Variants in TNFSF13B observed in about 807,000 individuals in gnomAD.
TNFSF13B encodes the protein TNF superfamily member 13b.
TNFSF13B carries 8 observed loss-of-function variants against 29.1 expected under a neutral mutation model. The ratio of observed to expected loss-of-function variants is 0.27; its 90% CI spans 0.16 to 0.50. TNFSF13B has a LOEUF of 0.50. Ranked by LOEUF, TNFSF13B falls within the 20% of genes least tolerant of loss-of-function variation. The pLI is 0.98. For synonymous variants in TNFSF13B, 125 were observed against 130.8 expected (o/e 0.96, Z 0.30); for missense variants, 248 against 334.9 (o/e 0.74, Z 2.03).
At chr13:108,281,251 GA>G in intron 2 of TNFSF13B, among the ~76,000 whole-genome samples, 1 of 151,872 alleles carries the variant, frequency 6.6e-6, no homozygotes, top group Non-Finnish European at 1.5e-5. Flanking sequence ...CAAAAAAAAA[GA>G]AAAAGAAAGA....
In TNFSF13B at chr13:108,307,336, G is replaced by C. The variant is rs1881809130; in HGVS notation, c.*398G>C. 1.3e-5 allele frequency: 2 copies of C among 154,134 alleles called. No individual in the cohort carries two copies. The highest frequency in any genetic ancestry group is 1.3e-4 in the Admixed American group (2 of 15,242). 9.5% of individuals were successfully genotyped at this position (154,134 alleles called of 1,614,324 possible). A position where few individuals can be genotyped will look rare whatever the true frequency, so the allele number is the denominator to read the frequency against. On this transcript the variant is annotated 3_prime_UTR_variant, in exon 6 of 6. Transcript: ENST00000375887. Reference sequence around the variant, plus strand: ...ATGGAGCAAGTGCCCACATCTCTAGGACATTAAGACATTTATGAGAAATCT... The same window carrying C: ...ATGGAGCAAGTGCCCACATCTCTAGCACATTAAGACATTTATGAGAAATCT...
rs1179740513 is a variant in TNFSF13B, at chr13:108,307,956, G to A, written c.*1018G>A. 6.6e-6 allele frequency: 1 copy of A among 152,000 alleles called. No individual in the cohort carries two copies. The highest frequency in any genetic ancestry group is 1.5e-5 in the Non-Finnish European group (1 of 67,938). The allele number at this position is 152,000 out of a possible 1,614,324, so 9.4% of individuals were successfully genotyped here. A position where few individuals can be genotyped will look rare whatever the true frequency, so the allele number is the denominator to read the frequency against. On this transcript the variant is annotated 3_prime_UTR_variant, in exon 6 of 6. Transcript: ENST00000375887. ...CATCCTGAAGTATGTCACATAGCAT[G>A]TGCTCCTTATAAATATGTTGATATC...
intron 3 of TNFSF13B, among the ~76,000 whole-genome samples, chr13:108,299,172 G>T (rs1881542265): frequency 1.4e-5 from 2 of 145,708 alleles, no homozygotes; most frequent in South Asian, 4.3e-4. Flanking sequence ...TAATCTCAAT[G>T]CCATTATGTT....
chr13:108,284,286 G>A (rs542200547), intron 2 of TNFSF13B, among the ~76,000 whole-genome samples: 7 of 152,160 alleles, frequency 4.6e-5, no homozygotes, highest in South Asian at 2.1e-4. Context: ...CTGAGATCGC[G>A]CCACTGCACT....
At chr13:108,284,371 C>T (rs61972010) in intron 2 of TNFSF13B, among the ~76,000 whole-genome samples, 2,416 of 97,254 alleles carry the variant, frequency 0.025, 50 homozygotes, top group African/African-American at 0.059. Context: ...AATAAACAAA[C>T]AAACAAACAA....
chr13:108,279,744 GA>G (rs1458027482), intron 2 of TNFSF13B, among the ~76,000 whole-genome samples: 1 of 152,192 alleles, frequency 6.6e-6, no homozygotes, highest in Non-Finnish European at 1.5e-5. Flanking sequence ...TAGGCTAATG[GA>G]ATTGTCAAGA....
At chr13:108,278,160 T>C (rs1385235762) in intron 2 of TNFSF13B, among the ~76,000 whole-genome samples, 1 of 152,200 alleles carries the variant, frequency 6.6e-6, no homozygotes, top group Non-Finnish European at 1.5e-5. Context: ...ATAATGGCTG[T>C]ACATGCTTAA....
intron 2 of TNFSF13B, among the ~76,000 whole-genome samples, chr13:108,271,444 T>TCACACACACACA (rs59438208): frequency 7.0e-6 from 1 of 142,904 alleles, no homozygotes; most frequent in Non-Finnish European, 1.5e-5. Context: ...GACCCTTCTA[T>TCACACACACACA]CACACACACA....
At chr13:108,286,301 A>G (rs746182838) in intron 2 of TNFSF13B, among the ~76,000 whole-genome samples, 10 of 151,846 alleles carry the variant, frequency 6.6e-5, no homozygotes, top group Non-Finnish European at 1.5e-4. Context: ...AGGAAGTGAT[A>G]TATACTGTCT....
At position 108,298,050 on chromosome 13, in the gene TNFSF13B, G is replaced by A. The variant is rs1438185377; in HGVS notation, c.482-5203G>A. ...TTTTAACTTTGTTCCAGAGTGCCAT[G>A]TTGTTGGAATTGCACAGTATGTAAC... On this transcript the variant is annotated intron_variant, in intron 3 of 5. Coordinates refer to ENST00000375887, the MANE Select transcript of TNFSF13B (RefSeq NM_006573.5). Among the ~76,000 whole-genome samples the A allele has an allele frequency of 1.4e-5, 2 of 145,792 alleles. 1 individual carries two copies. Among genetic ancestry groups the A allele is most frequent in the African/African-American group, 5.1e-5 (2 of 38,896 alleles).
chr13:108,289,048 T>A (rs941083494), intron 3 of TNFSF13B, among the ~76,000 whole-genome samples: 1 of 152,010 alleles, frequency 6.6e-6, no homozygotes, highest in African/African-American at 2.4e-5. Context: ...TGTTTGCAAC[T>A]TTTAATAAGC....
chr13:108,272,069 C>G (rs1880635494), intron 2 of TNFSF13B, among the ~76,000 whole-genome samples: 1 of 152,058 alleles, frequency 6.6e-6, no homozygotes, highest in South Asian at 2.1e-4. Flanking sequence ...CACATTCTTG[C>G]TTGCATGTTA....
chr13:108,297,060 T>C lies in TNFSF13B; in HGVS notation c.482-6193T>C, dbSNP rs114874126. Among the ~76,000 whole-genome samples the C allele has an allele frequency of 5.8e-3, 841 of 146,006 alleles. 127 individuals are homozygous for C. Among genetic ancestry groups the C allele is most frequent in the African/African-American group, 0.021 (810 of 39,124 alleles). On this transcript the variant is annotated intron_variant, in intron 3 of 5. Coordinates refer to ENST00000375887, the MANE Select transcript of TNFSF13B (RefSeq NM_006573.5). The stretch of plus-strand genomic sequence containing the variant: ...TTTACTTGTATTCTTTATTTCTTCA[T>C]ATGTCTTTCAATTCTCACTTAGTGC...
intron 2 of TNFSF13B, among the ~76,000 whole-genome samples, chr13:108,277,027 C>A (rs1431705163): frequency 6.6e-6 from 1 of 152,086 alleles, no homozygotes; most frequent in African/African-American, 2.4e-5. Context: ...AGATTTATCA[C>A]CCACTGTTTC....
intron 3 of TNFSF13B, among the ~76,000 whole-genome samples, chr13:108,290,869 C>T (rs4000607): frequency 1.3e-5 from 2 of 151,590 alleles, no homozygotes; most frequent in Admixed American, 1.3e-4. Context: ...CCTTCTGAAA[C>T]CTTTATAGTT....
In TNFSF13B at chr13:108,270,010, G is replaced by A. The variant is rs1307737247; in HGVS notation, c.115G>A (p.Val39Ile). Residue 39 changes from valine to isoleucine, a missense_variant, in exon 1 of 6, where the codon GTC becomes ATC. This residue lies in a region of TNFSF13B where 186 missense variants were observed against 196.3 expected (regional missense o/e 0.95). Coordinates refer to ENST00000375887, the MANE Select transcript of TNFSF13B (RefSeq NM_006573.5). ...CCTCCCACGGAAGGAAAGCCCCTCT[G>A]TCCGATCCTCCAAAGACGGAAAGCT... ...SILPRKESPS[V>I]RSSKDGKLLA... 1 of 1,613,106 alleles carries A rather than the reference G, an allele frequency of 6.2e-7. No individual in the cohort carries two copies. Among genetic ancestry groups the A allele is most frequent in the South Asian group, 1.1e-5 (1 of 91,068 alleles).
intron 3 of TNFSF13B, 59 bp from the exon 4 acceptor site, chr13:108,303,193 AT>A: frequency 1.8e-6 from 2 of 1,092,214 alleles, no homozygotes; most frequent in Non-Finnish European, 2.7e-6. Flanking sequence ...TAACAACTAA[AT>A]GGAGGTGAAA....
chr13:108,296,066 G>C (rs1881450816), intron 3 of TNFSF13B, among the ~76,000 whole-genome samples: 1 of 146,016 alleles, frequency 6.8e-6, no homozygotes, highest in Non-Finnish European at 1.5e-5. Context: ...TATGTGTTCT[G>C]CTGATTTTAG....
At chr13:108,301,440 TA>T (rs1332185949) in intron 3 of TNFSF13B, 1 of 152,214 alleles carries the variant, frequency 6.6e-6, no homozygotes, top group African/African-American at 2.4e-5. Flanking sequence ...ATGTGCAATA[TA>T]TACACAGTGG....
Sources: gnomAD v4.1 joint callset for allele counts (sites outside exome capture counted in the v4.1 genomes callset) on GRCh38, gnomAD v4.1.1 for gene constraint, gnomAD v4.1.1 regional missense constraint, MANE v1.5 for transcripts, NCBI Gene and HGNC (gene_info 2026-07-23, HGNC 2026-07-21) for gene names.